Variants in HS3ST4 observed in about 807,000 individuals in gnomAD.
HS3ST4 encodes heparan sulfate glucosamine 3-O-sulfotransferase 4.
In HS3ST4, 17 loss-of-function variants were observed where a neutral mutation model predicts 29.2. The ratio of observed to expected loss-of-function variants is 0.58; its 90% CI spans 0.40 to 0.87. The LOEUF (loss-of-function observed/expected upper bound fraction) is 0.87, where lower values mean the gene tolerates loss of function less well. Among genes scored for constraint, HS3ST4 ranks in the 40% least tolerant of loss-of-function variants. The probability of loss-of-function intolerance (pLI) is 0.00; values close to 1 mark genes in which losing one functional copy is unlikely to be tolerated. For missense variants in HS3ST4, 627 were observed against 634.5 expected, an observed-to-expected ratio of 0.99 and a Z score of 0.13; for synonymous variants, 314 against 285.7, an observed-to-expected ratio of 1.10 and a Z score of -1.00.
At chr16:25,729,107 A>G (rs1966555038) in intron 1 of HS3ST4, among the ~76,000 whole-genome samples, 2 of 151,958 alleles carry the variant, frequency 1.3e-5, no homozygotes, top group East Asian at 1.9e-4. Flanking sequence ...AAGGAAAGAG[A>G]AAAAAAATAG....
intron 1 of HS3ST4, among the ~76,000 whole-genome samples, chr16:26,113,078 A>G (rs1370313898): frequency 2.0e-5 from 3 of 152,242 alleles, no homozygotes; most frequent in South Asian, 2.1e-4. Flanking sequence ...AAGTAGTGCC[A>G]TAGTCACACA....
At chr16:25,818,623 A>G (rs1261101590) in intron 1 of HS3ST4, among the ~76,000 whole-genome samples, 2 of 152,214 alleles carry the variant, frequency 1.3e-5, no homozygotes, top group Admixed American at 6.5e-5. Context: ...TGTCAGCTCT[A>G]TATCATGAGA....
chr16:25,723,011 G>T (rs918885931), intron 1 of HS3ST4, among the ~76,000 whole-genome samples: 6 of 152,220 alleles, frequency 3.9e-5, no homozygotes, highest in South Asian at 2.1e-4. Flanking sequence ...AGACAAGAGA[G>T]AATGAGAAAC....
intron 1 of HS3ST4, among the ~76,000 whole-genome samples, chr16:25,990,920 C>T (rs757812719): frequency 1.1e-4 from 17 of 152,178 alleles, no homozygotes; most frequent in Non-Finnish European, 2.1e-4. Flanking sequence ...TTGTCTGTCA[C>T]CACAAGGCTT....
intron 1 of HS3ST4, among the ~76,000 whole-genome samples, chr16:26,126,817 A>T (rs1406920606): frequency 1.3e-5 from 2 of 152,212 alleles, no homozygotes; most frequent in South Asian, 2.1e-4. Flanking sequence ...CCATCCCAGA[A>T]TGTTGACAGT....
At chr16:25,794,257 A>G (rs1050347442) in intron 1 of HS3ST4, among the ~76,000 whole-genome samples, 2 of 152,112 alleles carry the variant, frequency 1.3e-5, no homozygotes, top group African/African-American at 4.8e-5. Context: ...TTTATGCATT[A>G]TAAAACATGA....
At chr16:25,903,020 CA>C (rs768153842) in intron 1 of HS3ST4, among the ~76,000 whole-genome samples, 4,210 of 120,018 alleles carry the variant, frequency 0.035, 143 homozygotes, top group African/African-American at 0.091. Context: ...GACTCTGCCT[CA>C]AAAAAAAAAA....
chr16:25,736,571 T>G (rs564049117), intron 1 of HS3ST4, among the ~76,000 whole-genome samples: 1 of 152,252 alleles, frequency 6.6e-6, no homozygotes, highest in Non-Finnish European at 1.5e-5. Context: ...CATTTAGAGC[T>G]TTAACATTTT....
intron 1 of HS3ST4, among the ~76,000 whole-genome samples, chr16:25,797,864 C>G (rs550940249): frequency 4.4e-4 from 67 of 152,326 alleles, no homozygotes; most frequent in African/African-American, 1.3e-3. Flanking sequence ...CTGGCTAGAA[C>G]AGGCATTTTC....
At chr16:25,802,072 C>G (rs944360030) in intron 1 of HS3ST4, among the ~76,000 whole-genome samples, 3 of 150,506 alleles carry the variant, frequency 2.0e-5, no homozygotes, top group Non-Finnish European at 4.4e-5. Flanking sequence ...ATCTTACACT[C>G]TAATGTGAAG....
chr16:25,706,624 C>T (rs1350612936), intron 1 of HS3ST4, among the ~76,000 whole-genome samples: 8 of 152,052 alleles, frequency 5.3e-5, no homozygotes, highest in Non-Finnish European at 8.8e-5. Context: ...TGAATGAGAA[C>T]GTGCGGTGGC....
chr16:26,001,770 A>G (rs967173560), intron 1 of HS3ST4, among the ~76,000 whole-genome samples: 1 of 152,116 alleles, frequency 6.6e-6, no homozygotes, highest in Non-Finnish European at 1.5e-5. Flanking sequence ...GAGGCTCTGA[A>G]GTTTCAGTGT....
intron 1 of HS3ST4, among the ~76,000 whole-genome samples, chr16:25,908,350 G>A (rs1423263577): frequency 6.6e-6 from 1 of 152,214 alleles, no homozygotes; most frequent in Non-Finnish European, 1.5e-5. Flanking sequence ...AAGATGTGGT[G>A]TTGAAGGTGG....
intron 1 of HS3ST4, among the ~76,000 whole-genome samples, chr16:26,012,250 T>G (rs1290934230): frequency 6.6e-6 from 1 of 152,208 alleles, no homozygotes. Flanking sequence ...CAATAGAGCT[T>G]CCTGTCAAAG....
intron 1 of HS3ST4, among the ~76,000 whole-genome samples, chr16:25,828,232 TTC>T (rs1329245380): frequency 1.2e-5 from 1 of 83,358 alleles, no homozygotes; most frequent in Non-Finnish European, 2.4e-5. Flanking sequence ...CTTTCTTTCT[TTC>T]TTTCTTTCTC....
At chr16:26,044,206 T>G (rs1898237669) in intron 1 of HS3ST4, among the ~76,000 whole-genome samples, 2 of 151,874 alleles carry the variant, frequency 1.3e-5, no homozygotes, top group South Asian at 4.2e-4. Flanking sequence ...TTCTGGTGAG[T>G]CCAATTTCTC....
At chr16:25,890,155 C>T (rs1021628786) in intron 1 of HS3ST4, among the ~76,000 whole-genome samples, 15 of 152,156 alleles carry the variant, frequency 9.9e-5, no homozygotes, top group African/African-American at 3.6e-4. Flanking sequence ...ATTATTATTC[C>T]CTCTATACTG....
intron 1 of HS3ST4, among the ~76,000 whole-genome samples, chr16:26,065,095 C>A (rs1898526965): frequency 6.6e-6 from 1 of 152,198 alleles, no homozygotes; most frequent in Non-Finnish European, 1.5e-5. Context: ...GACAGAAAAA[C>A]CATTTGACCC....
chr16:25,939,145 G>C (rs147056930), intron 1 of HS3ST4, among the ~76,000 whole-genome samples: 47 of 152,160 alleles, frequency 3.1e-4, no homozygotes, highest in Middle Eastern at 3.4e-3. Context: ...CATTGGGCCA[G>C]GTGGGGATGG....
Sources: gnomAD v4.1 joint callset for allele counts (sites outside exome capture counted in the v4.1 genomes callset) on GRCh38, gnomAD v4.1.1 for gene constraint, MANE v1.5 for transcripts, NCBI Gene and HGNC (gene_info 2026-07-23, HGNC 2026-07-21) for gene names.